PPP2R2B: variants seen among roughly 807,000 people sequenced by gnomAD.
The protein encoded by PPP2R2B is protein phosphatase 2 regulatory subunit Bbeta, also known as serine/threonine-protein phosphatase 2A 55 kDa regulatory subunit B beta isoform.
In PPP2R2B, 5 loss-of-function variants were observed where a neutral mutation model predicts 46.0. That is an observed-to-expected ratio of 0.11 (90% CI 0.06 to 0.23). The LOEUF is 0.23. Among genes scored for constraint, PPP2R2B ranks in the 10% least tolerant of loss-of-function variants. The probability of loss-of-function intolerance (pLI) is 1.00; values close to 1 mark genes in which losing one functional copy is unlikely to be tolerated. For synonymous variants in PPP2R2B, 215 were observed against 206.7 expected, an observed-to-expected ratio of 1.04 and a Z score of -0.34; for missense variants, 367 against 575.0, an observed-to-expected ratio of 0.64 and a Z score of 3.70.
At chr5:146,808,266 G>C (rs546313399) in intron 2 of PPP2R2B, among the ~76,000 whole-genome samples, 3 of 152,166 alleles carry the variant, frequency 2.0e-5, no homozygotes, top group Non-Finnish European at 4.4e-5. Flanking sequence ...ATTTGCACTA[G>C]ATGACATTTC....
At chr5:146,861,856 GTT>G (rs71581881) in intron 2 of PPP2R2B, among the ~76,000 whole-genome samples, 8 of 36,674 alleles carry the variant, frequency 2.2e-4, no homozygotes, top group Non-Finnish European at 8.8e-5. Flanking sequence ...ATACAGCATT[GTT>G]TTTTTTTTTT....
chr5:146,765,133 T>C (rs1754402540), intron 2 of PPP2R2B, among the ~76,000 whole-genome samples: 3 of 152,212 alleles, frequency 2.0e-5, no homozygotes, highest in Admixed American at 2.0e-4. Flanking sequence ...TCTTATATGC[T>C]ATAGAAAATG....
intron 1 of PPP2R2B, among the ~76,000 whole-genome samples, chr5:146,933,045 A>T (rs148019802): frequency 6.6e-6 from 1 of 152,148 alleles, no homozygotes; most frequent in Non-Finnish European, 1.5e-5. Context: ...GAATTATATC[A>T]TATGCTGTTT....
chr5:147,026,435 G>C (rs1755529882), intron 1 of PPP2R2B, among the ~76,000 whole-genome samples: 2 of 152,070 alleles, frequency 1.3e-5, no homozygotes, highest in African/African-American at 4.8e-5. Context: ...GTGGCAGAAA[G>C]AGGGCTAGGG....
At chr5:146,765,095 T>C (rs1169437690) in intron 2 of PPP2R2B, among the ~76,000 whole-genome samples, 1 of 152,240 alleles carries the variant, frequency 6.6e-6, no homozygotes, top group Non-Finnish European at 1.5e-5. Context: ...ATGTATCTTC[T>C]TTTTTAAGTT....
chr5:146,825,201 T>C (rs547162200), intron 2 of PPP2R2B, among the ~76,000 whole-genome samples: 5 of 152,294 alleles, frequency 3.3e-5, no homozygotes, highest in African/African-American at 1.2e-4. Context: ...TTGTTCATGC[T>C]GTGTATGGAA....
intron 5 of PPP2R2B, among the ~76,000 whole-genome samples, chr5:146,682,524 A>T (rs1422941236): frequency 6.6e-6 from 1 of 152,204 alleles, no homozygotes; most frequent in Non-Finnish European, 1.5e-5. Flanking sequence ...GCCACTTAGT[A>T]GCTATAGACA....
chr5:146,619,763 C>T (rs1773519315), intron 7 of PPP2R2B, among the ~76,000 whole-genome samples: 1 of 152,156 alleles, frequency 6.6e-6, no homozygotes, highest in African/African-American at 2.4e-5. Flanking sequence ...CATGCTCCTT[C>T]CCTAACCTCT....
intron 1 of PPP2R2B, among the ~76,000 whole-genome samples, chr5:146,954,826 G>A (rs1316900031): frequency 6.6e-6 from 1 of 151,254 alleles, no homozygotes. Context: ...ACTACTGAGT[G>A]TTTCCTTTAC....
chr5:147,003,318 G>A (rs978804598), intron 1 of PPP2R2B, among the ~76,000 whole-genome samples: 5 of 151,794 alleles, frequency 3.3e-5, no homozygotes, highest in African/African-American at 7.3e-5. Flanking sequence ...AAAAACCCCC[G>A]GGCTATAGGT....
Position 146,856,761 on chromosome 5 carries a change from C to T in PPP2R2B, c.70+21241G>A, listed in dbSNP as rs369559334. Among the ~76,000 whole-genome samples, 6 of 152,158 alleles carry T rather than the reference C, an allele frequency of 3.9e-5. No individual in the cohort carries two copies. The South Asian group carries it at 1.0e-3, about 26-fold the overall frequency. On this transcript the variant is annotated intron_variant, in intron 2 of 9. Coordinates refer to ENST00000394411, the MANE Select transcript of PPP2R2B (RefSeq NM_181675.4). ...GGTAACACAATCAACACTGTAAAAG[C>T]TTCCTTGCCTCAGCCCCGTCGACCT...
intron 2 of PPP2R2B, among the ~76,000 whole-genome samples, chr5:146,739,642 A>G (rs1447625025): frequency 6.6e-6 from 1 of 152,222 alleles, no homozygotes; most frequent in Non-Finnish European, 1.5e-5. Flanking sequence ...GGATGCATCA[A>G]AGATTTTAAG....
At chr5:146,973,806 A>G (rs1206885579) in intron 1 of PPP2R2B, among the ~76,000 whole-genome samples, 7 of 152,180 alleles carry the variant, frequency 4.6e-5, no homozygotes, top group Non-Finnish European at 7.4e-5. Flanking sequence ...ACAAGTTTCC[A>G]TGTTCTTGGA....
At chr5:146,828,422 T>A (rs984324495) in intron 2 of PPP2R2B, among the ~76,000 whole-genome samples, 1 of 152,160 alleles carries the variant, frequency 6.6e-6, no homozygotes, top group South Asian at 2.1e-4. Context: ...TTCAGAATGT[T>A]CCTTATTTAT....
chr5:146,806,013 C>T (rs1757155225), intron 2 of PPP2R2B, among the ~76,000 whole-genome samples: 1 of 152,308 alleles, frequency 6.6e-6, no homozygotes, highest in Admixed American at 6.5e-5. Flanking sequence ...AAGAAAAAGG[C>T]CAACTCTTTC....
At chr5:146,840,875 C>T (rs319153) in intron 2 of PPP2R2B, among the ~76,000 whole-genome samples, 137,168 of 152,188 alleles carry the variant, frequency 0.9, 61,924 homozygotes, top group Middle Eastern at 0.97. Flanking sequence ...GAAACAAACA[C>T]GTCCTTAATC....
chr5:146,753,463 A>G (rs1186684432), intron 2 of PPP2R2B, among the ~76,000 whole-genome samples: 1 of 152,168 alleles, frequency 6.6e-6, no homozygotes, highest in Non-Finnish European at 1.5e-5. Flanking sequence ...CTGACCAAAC[A>G]TTTTCACCAA....
chr5:147,048,885 G>GAGATATAGAAATGTATAAAACAGAGAA (rs1756658385), intron 1 of PPP2R2B, among the ~76,000 whole-genome samples: 4 of 152,096 alleles, frequency 2.6e-5, no homozygotes, highest in Non-Finnish European at 2.9e-5. Context: ...CTGCCTACTG[G>GAGATATAGAAATGTATAAAACAGAGAA]AGATATAGAA....
At chr5:146,908,689 A>C (rs1763081833) in intron 1 of PPP2R2B, among the ~76,000 whole-genome samples, 1 of 151,972 alleles carries the variant, frequency 6.6e-6, no homozygotes, top group Non-Finnish European at 1.5e-5. Flanking sequence ...AAACTTCCCA[A>C]AGGCCCTACA....
Sources: gnomAD v4.1 joint callset for allele counts (sites outside exome capture counted in the v4.1 genomes callset) on GRCh38, gnomAD v4.1.1 for gene constraint, MANE v1.5 for transcripts, NCBI Gene and HGNC (gene_info 2026-07-23, HGNC 2026-07-21) for gene names.